Variants in XRCC2 observed in about 807,000 individuals in gnomAD.
XRCC2 encodes DNA repair protein XRCC2.
XRCC2 carries 24 observed loss-of-function variants against 27.3 expected under a neutral mutation model. The observed-to-expected ratio is 0.88, with a 90% CI of 0.64 to 1.24. XRCC2 has a LOEUF of 1.24. Among genes scored for constraint, XRCC2 ranks in the 50% most tolerant of loss-of-function variants. XRCC2 has a pLI of 0.00. For missense variants in XRCC2, 321 were observed against 325.8 expected, an observed-to-expected ratio of 0.99 and a Z score of 0.11; for synonymous variants, 106 against 115.4, an observed-to-expected ratio of 0.92 and a Z score of 0.52.
intron 1 of XRCC2, among the ~76,000 whole-genome samples, chr7:152,662,802 T>C (rs995348550): frequency 6.6e-6 from 1 of 151,256 alleles, no homozygotes; most frequent in African/African-American, 2.4e-5. Flanking sequence ...CTCGATCTCC[T>C]GACCTCGTGA....
rs577698504 is a variant in XRCC2 at position 152,666,489 on chromosome 7, A to G, written c.40-5707T>C. ...AGCCTCCCAAAGTGCTGGGATTACAAGCATGAGCCACCATGCCCAGTGGAA... is the reference window on the plus strand; with the variant it reads ...AGCCTCCCAAAGTGCTGGGATTACAGGCATGAGCCACCATGCCCAGTGGAA... On this transcript the variant is annotated intron_variant, in intron 1 of 2. Coordinates refer to ENST00000359321, the MANE Select transcript of XRCC2 (RefSeq NM_005431.2). Among the ~76,000 whole-genome samples the G allele has an allele frequency of 8.0e-5, 12 of 150,418 alleles. 1 individual carries two copies. In the South Asian group the frequency reaches 2.5e-3, roughly 32 times the overall value.
At position 152,646,301 on chromosome 7, in the gene XRCC2, G is replaced by GGTGGGTGGGTGTGTGTGTGTGTGTGTGT. The variant is rs796735791; in HGVS notation, c.*2340_*2341insACACACACACACACACACACCCACCCAC. 2.7e-5 allele frequency: 4 copies of GGTGGGTGGGTGTGTGTGTGTGTGTGTGT among 149,182 alleles called. No homozygotes were observed. The highest frequency in any genetic ancestry group is 9.8e-5 in the African/African-American group (4 of 40,626). 9.2% of individuals were successfully genotyped at this position (149,182 alleles called of 1,614,324 possible). On this transcript the variant is annotated 3_prime_UTR_variant, in exon 3 of 3. Coordinates refer to ENST00000359321, the MANE Select transcript of XRCC2 (RefSeq NM_005431.2). ...GCCACGTATTCTAAGTCTGTGAGAG[G>GGTGGGTGGGTGTGTGTGTGTGTGTGTGT]GTGTGTGTGTGTGTGTGTGTGTGTG...
chr7:152,658,172 TCTCA>T (rs1432567888), intron 2 of XRCC2, among the ~76,000 whole-genome samples: 1 of 150,454 alleles, frequency 6.6e-6, no homozygotes, highest in Non-Finnish European at 1.5e-5. Flanking sequence ...TGAGGCGGAG[TCTCA>T]CTCTGTCGCC....
intron 2 of XRCC2, among the ~76,000 whole-genome samples, chr7:152,653,438 C>A (rs980747962): frequency 2.2e-4 from 33 of 152,082 alleles, no homozygotes; most frequent in African/African-American, 7.7e-4. Flanking sequence ...CTTGGAAGTA[C>A]CTGCACAAAT....
chr7:152,675,353 G>C (rs2098040446), intron 1 of XRCC2, among the ~76,000 whole-genome samples: 1 of 152,116 alleles, frequency 6.6e-6, no homozygotes, highest in East Asian at 1.9e-4. Flanking sequence ...GTGCAATACT[G>C]TAATTCTTAC....
intron 2 of XRCC2, among the ~76,000 whole-genome samples, chr7:152,658,348 C>T (rs2098031641): frequency 6.6e-6 from 1 of 152,056 alleles, no homozygotes; most frequent in Middle Eastern, 3.2e-3. Flanking sequence ...GACGGGGTTT[C>T]ACCATGTCGG....
chr7:152,669,240 A>G (rs559603256), intron 1 of XRCC2, among the ~76,000 whole-genome samples: 2 of 152,256 alleles, frequency 1.3e-5, no homozygotes, highest in Non-Finnish European at 2.9e-5. Flanking sequence ...AAATTAAAAA[A>G]CAGGAGGAAA....
chr7:152,652,403 C>T (rs545004424), intron 2 of XRCC2, among the ~76,000 whole-genome samples: 5 of 152,104 alleles, frequency 3.3e-5, no homozygotes, highest in East Asian at 3.9e-4. Flanking sequence ...GAAGCGCAGA[C>T]GGGGAAACCA....
rs183058714 is a variant in XRCC2, at chr7:152,667,799, G to T, written c.40-7017C>A. Among the ~76,000 whole-genome samples the T allele has an allele frequency of 2.0e-5, 3 of 152,186 alleles. No homozygotes were observed. In the East Asian group the frequency reaches 5.8e-4, roughly 29 times the overall value. Reference sequence around the variant, plus strand: ...CCAGCACTTTGGGAGTCTGAGGCAGGTGGATCACCTGAGGTCAGGAGTTCC... The same window carrying T: ...CCAGCACTTTGGGAGTCTGAGGCAGTTGGATCACCTGAGGTCAGGAGTTCC... On this transcript the variant is annotated intron_variant, in intron 1 of 2. Transcript: ENST00000359321.
chr7:152,658,847 C>T (rs1234653653), intron 2 of XRCC2, among the ~76,000 whole-genome samples: 1 of 152,194 alleles, frequency 6.6e-6, no homozygotes, highest in Admixed American at 6.6e-5. Flanking sequence ...ATACTTTTCC[C>T]CCCAGGGATT....
chr7:152,674,137 C>G (rs2098039321), intron 1 of XRCC2, among the ~76,000 whole-genome samples: 1 of 152,148 alleles, frequency 6.6e-6, no homozygotes, highest in African/African-American at 2.4e-5. Context: ...CATTCCACCC[C>G]ACTCCACTCC....
chr7:152,659,801 C>T (rs568867989), intron 2 of XRCC2, among the ~76,000 whole-genome samples: 3 of 152,164 alleles, frequency 2.0e-5, no homozygotes, highest in Non-Finnish European at 2.9e-5. Flanking sequence ...AGGTATTATC[C>T]GATAGAACTG....
chr7:152,661,973 T>C (rs750173138), intron 1 of XRCC2, among the ~76,000 whole-genome samples: 2 of 152,082 alleles, frequency 1.3e-5, no homozygotes, highest in Non-Finnish European at 2.9e-5. Context: ...TCCACTTCTT[T>C]TTCTTTTTTG....
chr7:152,655,282 G>A (rs921210661), intron 2 of XRCC2, among the ~76,000 whole-genome samples: 1 of 152,184 alleles, frequency 6.6e-6, no homozygotes, highest in Non-Finnish European at 1.5e-5. Context: ...AGCCAAAAAA[G>A]CTATCATCTT....
chr7:152,668,589 TAGGG>T (rs1477884493), intron 1 of XRCC2, among the ~76,000 whole-genome samples: 2 of 152,166 alleles, frequency 1.3e-5, no homozygotes, highest in Non-Finnish European at 2.9e-5. Flanking sequence ...TTAATCCTCT[TAGGG>T]AAGACTAATA....
At chr7:152,664,901 A>T (rs1199535026) in intron 1 of XRCC2, among the ~76,000 whole-genome samples, 1 of 152,134 alleles carries the variant, frequency 6.6e-6, no homozygotes, top group Non-Finnish European at 1.5e-5. Flanking sequence ...TTGAGCAAAC[A>T]TGTCCAGGAA....
chr7:152,671,271 TAAG>T (rs781687885), intron 1 of XRCC2, among the ~76,000 whole-genome samples: 1 of 152,106 alleles, frequency 6.6e-6, no homozygotes, highest in Non-Finnish European at 1.5e-5. Flanking sequence ...AGAGAAAGCG[TAAG>T]AATAGTACAG....
chr7:152,651,094 C>T lies in XRCC2; in HGVS notation c.122-1731G>A, dbSNP rs183608333. On this transcript the variant is annotated intron_variant, in intron 2 of 2. Transcript: ENST00000359321. The stretch of plus-strand genomic sequence containing the variant: ...AGCTGGGATTACAGGCGTGCGCTAC[C>T]GCGCCCAGCTAATTTTTGTATTTTT... 9.2e-3 allele frequency among the ~76,000 whole-genome samples: 1,400 copies of T among 151,852 alleles called. 21 individuals carry two copies. The highest frequency in any genetic ancestry group is 0.031 in the African/African-American group (1,271 of 41,480).
chr7:152,652,947 G>A (rs1018083568), intron 2 of XRCC2, among the ~76,000 whole-genome samples: 7 of 152,182 alleles, frequency 4.6e-5, no homozygotes, highest in African/African-American at 1.7e-4. Flanking sequence ...CAAAGCAAGA[G>A]GAGCAAACTG....
Sources: allele counts gnomAD v4.1 joint callset (sites outside exome capture counted in the v4.1 genomes callset), GRCh38; gene constraint gnomAD v4.1.1; transcripts MANE v1.5; gene names NCBI Gene and HGNC (gene_info 2026-07-23, HGNC 2026-07-21).